The following ZNF737 variants were observed in gnomAD, a reference collection of about 807,000 sequenced individuals.
The protein encoded by ZNF737 is zinc finger protein 102 (Y3).
Under a neutral mutation model 11.7 loss-of-function variants are expected in ZNF737, and 13 were observed. The observed-to-expected ratio is 1.11, with a 90% CI of 0.73 to 1.77. ZNF737 has a LOEUF of 1.77. Among genes scored for constraint, ZNF737 ranks in the 40% most tolerant of loss-of-function variants. ZNF737 has a pLI of 0.00. For missense variants in ZNF737, 636 were observed against 638.0 expected (o/e 1.00, Z 0.03); for synonymous variants, 217 against 216.2 (o/e 1.00, Z -0.03).
chr19:20,539,506 G>C lies in ZNF737; in HGVS notation c.*5086C>G. 3 of 985,184 alleles carry C rather than the reference G, an allele frequency of 3.0e-6. No homozygotes were observed. Among genetic ancestry groups the C allele is most frequent in the Non-Finnish European group, 3.6e-6 (3 of 829,850 alleles). The allele number at this position is 985,184 out of a possible 1,614,324, so 61.0% of individuals were successfully genotyped here. On this transcript the variant is annotated 3_prime_UTR_variant, in exon 4 of 4. Transcript: ENST00000427401. ...GAAGCCATTGAAAAAATGTGGTCTT[G>C]GTAAATTTTATTCCATTTCAAATGT... is the stretch of plus-strand genomic sequence containing the variant.
At chr19:20,535,069 A>G (rs1555753573), downstream of ZNF737, among the ~76,000 whole-genome samples, 1 of 149,888 alleles carries the variant, frequency 6.7e-6, no homozygotes. Context: ...AAATATACAA[A>G]CAAATGAAAA....
intron 1 of ZNF737, among the ~76,000 whole-genome samples, chr19:20,560,271 C>T (rs1433934826): frequency 2.0e-5 from 3 of 151,710 alleles, no homozygotes; most frequent in African/African-American, 7.3e-5. Context: ...ATTGCTTGAG[C>T]CAGGGAGGTT....
chr19:20,565,191 TC>T (rs1197862722), intron 1 of ZNF737, among the ~76,000 whole-genome samples: 7 of 152,164 alleles, frequency 4.6e-5, no homozygotes, highest in Non-Finnish European at 8.8e-5. Flanking sequence ...TGCCTCGGCC[TC>T]CCAAAGTGCT....
chr19:20,533,503 T>C (rs1466138607), downstream of ZNF737, among the ~76,000 whole-genome samples: 2 of 149,988 alleles, frequency 1.3e-5, no homozygotes, highest in Admixed American at 1.3e-4. Context: ...TATTAATGTA[T>C]ACATATAATA....
In ZNF737 at chr19:20,543,241, G is replaced by T. The variant is rs1968293656; in HGVS notation, c.*1351C>A. On this transcript the variant is annotated 3_prime_UTR_variant, in exon 4 of 4. Transcript: ENST00000427401. ...GTTTCTAAACTTAATACATTTGTAG[G>T]ACTCATCTCCAATATAAATTCCCTG... 1.0e-6 allele frequency: 1 copy of T among 985,320 alleles called. No individual in the cohort carries two copies. The highest frequency in any genetic ancestry group is 1.1e-4 in the East Asian group (1 of 8,818). The allele number at this position is 985,320 out of a possible 1,614,324, so 61.0% of individuals were successfully genotyped here.
At chr19:20,563,570 C>T (rs1969187455) in intron 1 of ZNF737, among the ~76,000 whole-genome samples, 1 of 150,360 alleles carries the variant, frequency 6.7e-6, no homozygotes, top group Admixed American at 6.7e-5. Flanking sequence ...ACTGCAACCT[C>T]TGCCTCCCCG....
intron 2 of ZNF737, 54 bp downstream of exon 2, chr19:20,553,655 G>C: frequency 6.5e-7 from 1 of 1,530,106 alleles, no homozygotes; most frequent in Non-Finnish European, 8.9e-7. Context: ...CTACAAGAGA[G>C]AGAAATAAAG....
rs532252718 is a variant in ZNF737 at position 20,563,663 on chromosome 19, T to G, written c.3+1975A>C. 7.1e-4 allele frequency among the ~76,000 whole-genome samples: 108 copies of G among 151,890 alleles called. No individual in the cohort carries two copies. In the South Asian group the frequency reaches 0.016, roughly 23 times the overall value. On this transcript the variant is annotated intron_variant, in intron 1 of 3. Transcript: ENST00000427401. ...ACCACACCCGGCTAATTTTTGTATTTTTAGTAGAGATGGGGTTTCATCATG... is the reference window on the plus strand; with the variant it reads ...ACCACACCCGGCTAATTTTTGTATTGTTAGTAGAGATGGGGTTTCATCATG...
chr19:20,545,706 C>CT lies in ZNF737; in HGVS notation c.496dup (p.Arg166LysfsTer18). On this transcript the variant is annotated frameshift_variant, in exon 4 of 4. Transcript: ENST00000427401. LOFTEE classifies it low-confidence loss of function (END_TRUNC). ...TTTGAAAGGTTTTTTTCCAGTATGT[C>CT]TTATCTTATGTCTGTTTGAATTTGA... is the stretch of plus-strand genomic sequence containing the variant. 1 of 1,612,438 alleles carries CT rather than the reference C, an allele frequency of 6.2e-7. No homozygotes were observed. The highest frequency in any genetic ancestry group is 8.5e-7 in the Non-Finnish European group (1 of 1,178,894).
At chr19:20,564,020 G>C (rs1296229629) in intron 1 of ZNF737, 1 of 151,934 alleles carries the variant, frequency 6.6e-6, no homozygotes, top group Non-Finnish European at 1.5e-5. Context: ...AAAAGAATTA[G>C]CTGGGTGTGG....
At chr19:20,557,618 ATTTT>A (rs34710395) in intron 1 of ZNF737, among the ~76,000 whole-genome samples, 169 of 144,386 alleles carry the variant, frequency 1.2e-3, no homozygotes, top group African/African-American at 3.3e-3. Context: ...TTCTAGGGTA[ATTTT>A]TTTTTTTTTT....
At chr19:20,559,993 C>T (rs1490324133) in intron 1 of ZNF737, among the ~76,000 whole-genome samples, 10 of 151,128 alleles carry the variant, frequency 6.6e-5, no homozygotes, top group African/African-American at 2.4e-4. Context: ...GGTGAAACCC[C>T]GTCTCTACTA....
rs149362995 is a variant in ZNF737, at chr19:20,554,992, A to C, written c.4-1157T>G. Among the ~76,000 whole-genome samples, 622 of 117,494 alleles carry C rather than the reference A, an allele frequency of 5.3e-3. 4 individuals carry two copies. The highest frequency in any genetic ancestry group is 0.017 in the South Asian group (54 of 3,218). The allele number at this position is 117,494 out of a possible 152,430, so 77.1% of individuals were successfully genotyped here. A position where few individuals can be genotyped will look rare whatever the true frequency, so the allele number is the denominator to read the frequency against. On this transcript the variant is annotated intron_variant, in intron 1 of 3. Transcript: ENST00000427401. ...GGTCTCCTGCCTCAGCTTCCCGAGT[A>C]GCTGGGATTACAGGTGCCTGCCACC...
Position 20,543,507 on chromosome 19 carries a change from A to G in ZNF737, c.*1085T>C, listed in dbSNP as rs961579456. The G allele has an allele frequency of 1.6e-5, 16 of 985,202 alleles. No homozygotes were observed. Among genetic ancestry groups the G allele is most frequent in the Non-Finnish European group, 1.8e-5 (15 of 829,704 alleles). 61.0% of individuals were successfully genotyped at this position (985,202 alleles called of 1,614,324 possible). A position where few individuals can be genotyped will look rare whatever the true frequency, so the allele number is the denominator to read the frequency against. ...TTATGTTGAGTTAGATGTGAGTAGGAATTAATAGGTTTTCCATATTCCTTC... is the reference window on the plus strand; with the variant it reads ...TTATGTTGAGTTAGATGTGAGTAGGGATTAATAGGTTTTCCATATTCCTTC... On this transcript the variant is annotated 3_prime_UTR_variant, in exon 4 of 4. Transcript: ENST00000427401.
At chr19:20,536,123 C>T (rs1967955757), downstream of ZNF737, 1 of 984,950 alleles carries the variant, frequency 1.0e-6, no homozygotes, top group Non-Finnish European at 1.2e-6. Flanking sequence ...TCTAGTAGGA[C>T]AGCCACTTCT....
At position 20,543,560 on chromosome 19, in the gene ZNF737, T is replaced by A. The variant is rs1968305615; in HGVS notation, c.*1032A>T. On this transcript the variant is annotated 3_prime_UTR_variant, in exon 4 of 4. Transcript: ENST00000427401. The stretch of plus-strand genomic sequence containing the variant: ...TTTGTACAATTTTTCTCAAGGATAC[T>A]AGCTTTTCTGTGAGATAAGGTGTAA... 1 of 985,458 alleles carries A rather than the reference T, an allele frequency of 1.0e-6. No homozygotes were observed. Among genetic ancestry groups the A allele is most frequent in the Non-Finnish European group, 1.2e-6 (1 of 829,922 alleles). 61.0% of individuals were successfully genotyped at this position (985,458 alleles called of 1,614,324 possible). A position where few individuals can be genotyped will look rare whatever the true frequency, so the allele number is the denominator to read the frequency against.
intron 1 of ZNF737, 25 bp downstream of exon 1, chr19:20,565,613 C>T (rs782562779): frequency 6.2e-7 from 1 of 1,614,176 alleles, no homozygotes; most frequent in East Asian, 2.2e-5. Flanking sequence ...CCCCCTCTCT[C>T]GGGATGTCGG....
At position 20,542,770 on chromosome 19, in the gene ZNF737, A is replaced by C; in HGVS notation, c.*1822T>G. Reference sequence around the variant, plus strand: ...TTACTATTTTATAGAAAAAGTCATAATGTCCAAATAATGTAAAAAAATCGA... The same window carrying C: ...TTACTATTTTATAGAAAAAGTCATACTGTCCAAATAATGTAAAAAAATCGA... On this transcript the variant is annotated 3_prime_UTR_variant, in exon 4 of 4. Coordinates refer to ENST00000427401, the MANE Select transcript of ZNF737 (RefSeq NM_001159293.2). 2 of 985,108 alleles carry C rather than the reference A, an allele frequency of 2.0e-6. No individual in the cohort carries two copies. Among genetic ancestry groups the C allele is most frequent in the Non-Finnish European group, 2.4e-6 (2 of 829,742 alleles). The allele number at this position is 985,108 out of a possible 1,614,324, so 61.0% of individuals were successfully genotyped here.
chr19:20,557,848 CT>C (rs1484508089), intron 1 of ZNF737, among the ~76,000 whole-genome samples: 1 of 152,134 alleles, frequency 6.6e-6, no homozygotes, highest in African/African-American at 2.4e-5. Flanking sequence ...AACTCCTGAC[CT>C]TGTGATCCAC....
Sources: gnomAD v4.1 joint callset for allele counts (sites outside exome capture counted in the v4.1 genomes callset) on GRCh38, gnomAD v4.1.1 for gene constraint, MANE v1.5 for transcripts, NCBI Gene and HGNC (gene_info 2026-07-23, HGNC 2026-07-21) for gene names.